The following SYT12 variants were observed in gnomAD, a reference collection of about 807,000 sequenced individuals.
SYT12 encodes synaptotagmin-12.
A neutral mutation model predicts 39.5 loss-of-function variants in SYT12; 27 were observed. The observed-to-expected ratio is 0.68, with a 90% CI of 0.50 to 0.94. The LOEUF is 0.94. SYT12 is among the 40% of genes least tolerant of loss of function. The pLI is 0.00. For synonymous variants in SYT12, 233 were observed against 239.7 expected, an observed-to-expected ratio of 0.97 and a Z score of 0.26; for missense variants, 536 against 572.6, an observed-to-expected ratio of 0.94 and a Z score of 0.65.
At chr11:67,023,661 C>G (rs1334648742) in intron 1 of SYT12, among the ~76,000 whole-genome samples, 3 of 152,220 alleles carry the variant, frequency 2.0e-5, no homozygotes, top group Non-Finnish European at 4.4e-5. Context: ...CCCGGCCACT[C>G]CGCGCAGTGC....
In SYT12 at chr11:67,039,718, G is replaced by A. The variant is rs1185688707; in HGVS notation, c.229-93G>A. On this transcript the variant is annotated intron_variant, in intron 3 of 7. Coordinates refer to ENST00000527043, the MANE Select transcript of SYT12 (RefSeq NM_177963.4). ...GTGAAAGGGGAACTTGGAGATTCGA[G>A]AATGAACAGGCCTTACTCATCTCTT... 3 of 1,438,194 alleles carry A rather than the reference G, an allele frequency of 2.1e-6. No individual in the cohort carries two copies. In the Admixed American group the frequency reaches 6.7e-5, roughly 32 times the overall value. The allele number at this position is 1,438,194 out of a possible 1,614,324, so 89.1% of individuals were successfully genotyped here. A position where few individuals can be genotyped will look rare whatever the true frequency, so the allele number is the denominator to read the frequency against.
At chr11:67,045,468 G>A (rs763110246) in intron 6 of SYT12, among the ~76,000 whole-genome samples, 1 of 152,198 alleles carries the variant, frequency 6.6e-6, no homozygotes, top group Non-Finnish European at 1.5e-5. Context: ...AACACGGTGG[G>A]GCTGCTGAGT....
upstream of SYT12, among the ~76,000 whole-genome samples, chr11:67,021,331 T>G (rs138514398): frequency 0.014 from 2,204 of 152,178 alleles, 35 homozygotes; most frequent in East Asian, 0.063. Context: ...TGCTTTTTTT[T>G]TTTGTTTGTT....
chr11:67,048,777 G>A lies in SYT12; in HGVS notation c.*20G>A. 1 of 1,584,110 alleles carries A rather than the reference G, an allele frequency of 6.3e-7. No homozygotes were observed. The highest frequency in any genetic ancestry group is 8.6e-7 in the Non-Finnish European group (1 of 1,158,544). The stretch of plus-strand genomic sequence containing the variant: ...AACTAGCAACCAGGGCGGGCCAGTT[G>A]GGCAATGGAGCTGCTGGAGCCCGGT... On this transcript the variant is annotated 3_prime_UTR_variant, in exon 8 of 8. Coordinates refer to ENST00000527043, the MANE Select transcript of SYT12 (RefSeq NM_177963.4).
At chr11:67,031,293 G>A (rs1023645120) in intron 2 of SYT12, 1 of 152,430 alleles carries the variant, frequency 6.6e-6, no homozygotes, top group Admixed American at 6.5e-5. Flanking sequence ...CAGTGGCAGC[G>A]CTTTGCACAC....
chr11:67,013,955 C>T (rs544911300), intron 3 of SYT12, among the ~76,000 whole-genome samples: 2 of 152,344 alleles, frequency 1.3e-5, no homozygotes, highest in African/African-American at 4.8e-5. Flanking sequence ...CGGGGGCTGC[C>T]AGCAACCCTT....
chr11:67,031,393 GGA>G (rs1950264528), intron 2 of SYT12: 1 of 152,210 alleles, frequency 6.6e-6, no homozygotes. Flanking sequence ...GTGCAGATCT[GGA>G]CCCAGTCTGT....
intron 3 of SYT12, among the ~76,000 whole-genome samples, chr11:67,036,408 A>G (rs1251149584): frequency 2.0e-5 from 3 of 152,136 alleles, no homozygotes; most frequent in Non-Finnish European, 4.4e-5. Flanking sequence ...TGTGCTTTGG[A>G]TGGATGTCCA....
chr11:67,034,344 G>A (rs925974947), intron 2 of SYT12, among the ~76,000 whole-genome samples: 2 of 152,152 alleles, frequency 1.3e-5, no homozygotes, highest in Non-Finnish European at 2.9e-5. Context: ...TTTGCGGGCC[G>A]ACATGATGCT....
intron 1 of SYT12, among the ~76,000 whole-genome samples, chr11:67,024,729 C>T (rs1395725833): frequency 6.6e-6 from 1 of 152,178 alleles, no homozygotes; most frequent in Admixed American, 6.5e-5. Flanking sequence ...ATGTGGTTAT[C>T]TCAGAAAGCG....
At chr11:67,019,670 G>A (rs1280723296), upstream of SYT12, among the ~76,000 whole-genome samples, 1 of 152,066 alleles carries the variant, frequency 6.6e-6, no homozygotes, top group East Asian at 1.9e-4. Context: ...GCCGAGGAGG[G>A]GGGAATCACT....
intron 1 of SYT12, among the ~76,000 whole-genome samples, chr11:67,008,372 G>A (rs1229315765): frequency 1.3e-5 from 2 of 152,054 alleles, no homozygotes; most frequent in African/African-American, 2.4e-5. Flanking sequence ...TCACCTGCTG[G>A]TGTTTATTCT....
Position 67,045,738 on chromosome 11 carries a change from C to T in SYT12, c.959-6C>T, listed in dbSNP as rs200563507. The T allele has an allele frequency of 2.2e-4, 352 of 1,613,376 alleles. 1 individual carries two copies. The highest frequency in any genetic ancestry group is 2.8e-4 in the Non-Finnish European group (331 of 1,179,812). On this transcript the variant is annotated splice_region_variant and splice_polypyrimidine_tract_variant and intron_variant, in intron 6 of 7. Coordinates refer to ENST00000527043, the MANE Select transcript of SYT12 (RefSeq NM_177963.4). ...CACTGGCCCTCACCTGTCCGCCTGC[C>T]CACAGACCCCTTCGTCAAGGTGTAC...
At chr11:67,037,610 A>G (rs1950406651) in intron 3 of SYT12, among the ~76,000 whole-genome samples, 1 of 151,806 alleles carries the variant, frequency 6.6e-6, no homozygotes, top group African/African-American at 2.4e-5. Flanking sequence ...GTGGGTAGGC[A>G]CAGTGCTCAT....
At chr11:67,035,453 CTTTTCT>C (rs1415184572) in intron 3 of SYT12, among the ~76,000 whole-genome samples, 4 of 103,980 alleles carry the variant, frequency 3.8e-5, no homozygotes, top group African/African-American at 1.4e-4. Context: ...TTTTCTTTTT[CTTTTCT>C]TTTTTTTTTT....
In SYT12 at chr11:67,039,874, C is replaced by G. The variant is rs1487174546; in HGVS notation, c.292C>G (p.Leu98Val). 6.2e-7 allele frequency: 1 copy of G among 1,613,472 alleles called. No individual in the cohort carries two copies. The highest frequency in any genetic ancestry group is 8.5e-7 in the Non-Finnish European group (1 of 1,180,040). Residue 98 changes from leucine (L) to valine (V), a missense_variant, in exon 4 of 8, where the codon CTC (leucine) becomes GTC (valine). By Grantham distance (32) the Leu-to-Val change is conservative. Coordinates refer to ENST00000527043, the MANE Select transcript of SYT12 (RefSeq NM_177963.4). ...TRGPPSRKGS[L>V]SIEDTFESIS... ...GGGACCACCCAGCCGCAAAGGCAGT[C>G]TCAGCATTGAGGACACCTTTGAGAG...
intron 3 of SYT12, among the ~76,000 whole-genome samples, chr11:67,018,029 A>G (rs1950072097): frequency 6.6e-6 from 1 of 151,644 alleles, no homozygotes. Flanking sequence ...TGGGAGGCCG[A>G]GGCAGGTGGA....
intron 7 of SYT12, among the ~76,000 whole-genome samples, chr11:67,047,373 T>G (rs1412329072): frequency 6.7e-6 from 1 of 148,986 alleles, no homozygotes; most frequent in African/African-American, 2.5e-5. Context: ...GTTCAAGTGA[T>G]TCTCCTGCCT....
chr11:67,035,833 C>CTTTCTTTCTTTCTTT (rs1950363468), intron 3 of SYT12, among the ~76,000 whole-genome samples: 1 of 102,412 alleles, frequency 9.8e-6, no homozygotes, highest in East Asian at 2.9e-4. Context: ...TTCCTTCCTT[C>CTTTCTTTCTTTCTTT]CTTCCTTTCT....
Sources: allele counts gnomAD v4.1 joint callset (sites outside exome capture counted in the v4.1 genomes callset), GRCh38; gene constraint gnomAD v4.1.1; transcripts MANE v1.5; gene names NCBI Gene and HGNC (gene_info 2026-07-23, HGNC 2026-07-21).